Variants in MYH11 observed in about 807,000 individuals in gnomAD.
MYH11 encodes the protein myosin-11.
MYH11 carries 80 observed loss-of-function variants against 246.6 expected under a neutral mutation model. The observed-to-expected ratio is 0.32, with a 90% CI of 0.27 to 0.39. The LOEUF (loss-of-function observed/expected upper bound fraction) is 0.39. Ranked by LOEUF, MYH11 falls within the 10% of genes least tolerant of loss-of-function variation. MYH11 has a pLI of 1.00. For synonymous variants in MYH11, 1,071 were observed against 1,015.5 expected, an observed-to-expected ratio of 1.05 and a Z score of -1.04; for missense variants, 2,158 against 2,546.8, an observed-to-expected ratio of 0.85 and a Z score of 3.29.
At chr16:15,730,756 T>C (rs1954416529) in intron 27 of MYH11, among the ~76,000 whole-genome samples, 1 of 152,028 alleles carries the variant, frequency 6.6e-6, no homozygotes, top group Non-Finnish European at 1.5e-5. Context: ...AGGAAAACAA[T>C]CTGGCCGAAG....
chr16:15,745,731 G>A (rs1385950619), intron 19 of MYH11, among the ~76,000 whole-genome samples: 3 of 151,720 alleles, frequency 2.0e-5, no homozygotes, highest in Non-Finnish European at 4.4e-5. Flanking sequence ...TGGATTACAG[G>A]TGCCCACAAC....
rs756121642 is a variant in MYH11 at position 15,720,940 on chromosome 16, G to A, written c.4690C>T (p.Arg1564Trp). 17 of 1,613,932 alleles carry A rather than the reference G, an allele frequency of 1.1e-5. No individual in the cohort carries two copies. The highest frequency in any genetic ancestry group is 2.2e-5 in the East Asian group (1 of 44,848). ...ELQATEDAKL[R>W]LEVNMQALKG... ...AGCGCCTGCATGTTGACTTCCAGCC[G>A]CAGTTTGGCGTCCTCCGTGGCTTGC... Residue 1564 changes from arginine (R) to tryptophan (W), a missense_variant, in exon 33 of 41, where the codon CGG becomes TGG. Transcript: ENST00000300036.
chr16:15,838,267 C>A lies in MYH11; in HGVS notation c.-15G>T, dbSNP rs1471321087. Reference sequence around the variant, plus strand: ...TTCTGCGCCATGGTGCCTTGTTGGTCCCCTGTGGAATAAGGTAACAGGGTC... The same window carrying A: ...TTCTGCGCCATGGTGCCTTGTTGGTACCCTGTGGAATAAGGTAACAGGGTC... On this transcript the variant is annotated splice_region_variant and 5_prime_UTR_variant, in exon 2 of 41. Transcript: ENST00000300036. 3.7e-6 allele frequency: 6 copies of A among 1,612,936 alleles called. No individual in the cohort carries two copies. The highest frequency in any genetic ancestry group is 4.2e-6 in the Non-Finnish European group (5 of 1,179,320).
intron 5 of MYH11, chr16:15,784,703 C>T (rs1567759083): frequency 6.2e-7 from 1 of 1,613,906 alleles, no homozygotes; most frequent in Non-Finnish European, 8.5e-7. Flanking sequence ...CTCACGTAGG[C>T]AAAAGATGGG....
intron 3 of MYH11, among the ~76,000 whole-genome samples, chr16:15,800,878 T>G (rs903716032): frequency 6.6e-6 from 1 of 151,586 alleles, no homozygotes; most frequent in African/African-American, 2.4e-5. Context: ...AGCTCTGGGG[T>G]TTCAATTCTG....
At chr16:15,706,386 G>C (rs1016197499) in intron 40 of MYH11, among the ~76,000 whole-genome samples, 3 of 152,004 alleles carry the variant, frequency 2.0e-5, no homozygotes, top group East Asian at 1.9e-4. Context: ...AGCTCTCTTC[G>C]TCACAGTTTT....
In MYH11 at chr16:15,748,061, C is replaced by T. The variant is rs548956512; in HGVS notation, c.2166G>A (p.Gln722=). 148 of 1,614,236 alleles carry T rather than the reference C, an allele frequency of 9.2e-5. 2 individuals carry two copies. The South Asian group carries it at 1.5e-3, about 17-fold the overall frequency. Reference sequence around the variant, plus strand: ...TTGGGACTTACCGTTGGCGGAACTCCTGGAAGACGATCCGGTTGGGGAAGC... The same window carrying T: ...TTGGGACTTACCGTTGGCGGAACTCTTGGAAGACGATCCGGTTGGGGAAGC... ...RQGFPNRIVF[Q]EFRQRYEILA... The change falls in exon 17 of 41, where the codon CAG becomes CAA. Residue 722 remains glutamine, a synonymous_variant. Transcript: ENST00000300036.
chr16:15,795,346 T>G (rs2042719138), intron 4 of MYH11, among the ~76,000 whole-genome samples: 1 of 151,624 alleles, frequency 6.6e-6, no homozygotes, highest in Non-Finnish European at 1.5e-5. Context: ...GCTCAGCGGC[T>G]CATGCCTGTA....
At chr16:15,800,064 G>A (rs888138770) in intron 3 of MYH11, among the ~76,000 whole-genome samples, 4 of 149,744 alleles carry the variant, frequency 2.7e-5, no homozygotes, top group Non-Finnish European at 5.9e-5. Context: ...GGACGGGAGG[G>A]TGGATAAGCA....
chr16:15,745,514 A>G (rs1484645129), intron 19 of MYH11, among the ~76,000 whole-genome samples: 1 of 150,772 alleles, frequency 6.6e-6, no homozygotes, highest in East Asian at 2.0e-4. Flanking sequence ...AAACACAACT[A>G]TGTGCATCAT....
intron 38 of MYH11, 113 bp from the exon 39 acceptor site, chr16:15,715,385 C>G (rs548849188): frequency 8.5e-5 from 78 of 914,142 alleles, no homozygotes; most frequent in South Asian, 7.4e-4. Flanking sequence ...TATCTGGACT[C>G]CTCTCAAGAA....
chr16:15,814,741 G>A (rs1334375224), intron 3 of MYH11, among the ~76,000 whole-genome samples: 1 of 151,894 alleles, frequency 6.6e-6, no homozygotes, highest in African/African-American at 2.4e-5. Context: ...CATAAGGACT[G>A]GGTCAAATAT....
chr16:15,777,285 A>C (rs1179286701), intron 7 of MYH11, among the ~76,000 whole-genome samples: 2 of 151,850 alleles, frequency 1.3e-5, no homozygotes, highest in African/African-American at 4.8e-5. Flanking sequence ...CCACGCCTGG[A>C]TAATTTTTGT....
At chr16:15,735,742 G>C (rs1567713177) in intron 25 of MYH11, among the ~76,000 whole-genome samples, 164 bp from the exon 26 acceptor site, 1 of 152,322 alleles carries the variant, frequency 6.6e-6, no homozygotes, top group East Asian at 1.9e-4. Context: ...GACTATATGA[G>C]ATTAACATAG....
intron 20 of MYH11, among the ~76,000 whole-genome samples, chr16:15,743,132 T>C (rs936683497): frequency 6.6e-6 from 1 of 152,016 alleles, no homozygotes; most frequent in African/African-American, 2.4e-5. Flanking sequence ...AATTCTGCTA[T>C]TGTAAATAAG....
intron 21 of MYH11, 40 bp from the exon 22 acceptor site, chr16:15,741,709 G>A (rs201292512): frequency 4.7e-5 from 76 of 1,613,894 alleles, no homozygotes; most frequent in Middle Eastern, 1.6e-4. Flanking sequence ...TGAGCCCCAC[G>A]GGGCCAAGTC....
chr16:15,717,171 G>C lies in MYH11; in HGVS notation c.5473C>G (p.Gln1825Glu), dbSNP rs780770242. The change falls in exon 38 of 41, where the codon CAG (glutamine) becomes GAG (glutamate). Residue 1825 changes from glutamine (Q) to glutamate (E), a missense_variant. By Grantham distance (29) the Gln-to-Glu change is conservative. Transcript: ENST00000300036. ...TCCTGCTCGACCTGCTCCTCCAGCT[G>C]TGCAATCTTGGCCTCCAGCGCCGCG... Reference protein sequence around the residue: ...TIAALEAKIAQLEEQVEQEAR... With the variant: ...TIAALEAKIAELEEQVEQEAR... The C allele has an allele frequency of 1.9e-6, 3 of 1,614,198 alleles. No individual in the cohort carries two copies. In the Admixed American group the frequency reaches 5.0e-5, roughly 27 times the overall value.
chr16:15,707,954 C>A (rs1231720659), intron 40 of MYH11, among the ~76,000 whole-genome samples: 2 of 100,538 alleles, frequency 2.0e-5, no homozygotes, highest in Non-Finnish European at 4.0e-5. Context: ...AGCGAGACTC[C>A]GTCTCAAAAA....
chr16:15,758,869 CAA>C (rs2041799454), intron 12 of MYH11, among the ~76,000 whole-genome samples: 1 of 149,534 alleles, frequency 6.7e-6, no homozygotes, highest in Admixed American at 6.8e-5. Context: ...GAGGCTGAGA[CAA>C]GAGAATTGCT....
Sources: gnomAD v4.1 joint callset for allele counts (sites outside exome capture counted in the v4.1 genomes callset) on GRCh38, gnomAD v4.1.1 for gene constraint, MANE v1.5 for transcripts, NCBI Gene and HGNC (gene_info 2026-07-23, HGNC 2026-07-21) for gene names.